XIRP2: variants seen among roughly 807,000 people sequenced by gnomAD.
XIRP2 encodes xin actin-binding repeat-containing protein 2.
XIRP2 carries 236 observed loss-of-function variants against 277.0 expected under a neutral mutation model. The ratio of observed to expected loss-of-function variants is 0.85; its 90% CI spans 0.77 to 0.95. The LOEUF (loss-of-function observed/expected upper bound fraction) is 0.95. Ranked by LOEUF, XIRP2 falls within the 40% of genes least tolerant of loss-of-function variation. The probability of loss-of-function intolerance (pLI) is 0.00; values close to 1 mark genes in which losing one functional copy is unlikely to be tolerated. For synonymous variants in XIRP2, 1,490 were observed against 1,416.5 expected (o/e 1.05, Z -1.17); for missense variants, 4,640 against 4,157.5 (o/e 1.12, Z -3.19).
chr2:166,913,890 A>G (rs375343395), intron 2 of XIRP2, among the ~76,000 whole-genome samples: 12 of 152,324 alleles, frequency 7.9e-5, no homozygotes, highest in South Asian at 2.1e-4. Context: ...GAAACTCATG[A>G]CTTATTCTTC....
intron 2 of XIRP2, among the ~76,000 whole-genome samples, chr2:167,095,535 C>G (rs918956584): frequency 6.6e-6 from 1 of 151,928 alleles, no homozygotes; most frequent in African/African-American, 2.4e-5. Flanking sequence ...GGGTGTTGAA[C>G]TGTTTTGAAA....
At chr2:167,085,022 T>G (rs1392556784) in intron 2 of XIRP2, among the ~76,000 whole-genome samples, 2 of 99,116 alleles carry the variant, frequency 2.0e-5, no homozygotes, top group African/African-American at 5.5e-5. Flanking sequence ...CTAGTTCTTT[T>G]AATTGTGATG....
intron 8 of XIRP2, among the ~76,000 whole-genome samples, chr2:167,242,232 C>T (rs1337737280): frequency 1.3e-5 from 2 of 152,110 alleles, no homozygotes; most frequent in Admixed American, 1.3e-4. Context: ...TGAAACAACC[C>T]TCAAAAGTAC....
At chr2:167,187,443 T>C (rs1693190635) in intron 3 of XIRP2, 1 of 985,158 alleles carries the variant, frequency 1.0e-6, no homozygotes, top group African/African-American at 1.7e-5. Flanking sequence ...TGGCTGTACA[T>C]GAAACAAGGG....
At chr2:167,018,535 G>A (rs1687895583) in intron 2 of XIRP2, among the ~76,000 whole-genome samples, 1 of 152,024 alleles carries the variant, frequency 6.6e-6, no homozygotes, top group South Asian at 2.1e-4. Flanking sequence ...CTGGAGGGAA[G>A]ATTCTCAGCA....
rs757194345 is a variant in XIRP2, at chr2:167,243,299, CTG to C, written c.1909_1910del (p.Val637ArgfsTer8). 2.5e-6 allele frequency: 4 copies of C among 1,613,526 alleles called. No homozygotes were observed. The African/African-American group carries it at 5.3e-5, about 22-fold the overall frequency. On this transcript the variant is annotated frameshift_variant, in exon 9 of 11. Coordinates refer to ENST00000409195, the MANE Select transcript of XIRP2 (RefSeq NM_152381.6). LOFTEE classifies it high-confidence loss of function. ...ACACTTGGGGCTTATTCTTCTGACA[CTG>C]TAGAAAATGCAGAGAAAATTCCTGA...
chr2:166,956,521 TG>T (rs1322036241), intron 2 of XIRP2, among the ~76,000 whole-genome samples: 2 of 151,836 alleles, frequency 1.3e-5, no homozygotes, highest in African/African-American at 4.8e-5. Context: ...ATTCTTATAT[TG>T]GTTGTAGATT....
chr2:167,030,308 G>T (rs1051229822), intron 2 of XIRP2, among the ~76,000 whole-genome samples: 1 of 151,812 alleles, frequency 6.6e-6, no homozygotes, highest in Non-Finnish European at 1.5e-5. Context: ...GTGATGTTAG[G>T]GTATTGATTT....
chr2:167,007,620 A>G (rs1368488369), intron 2 of XIRP2, among the ~76,000 whole-genome samples: 2 of 151,388 alleles, frequency 1.3e-5, no homozygotes, highest in East Asian at 2.0e-4. Context: ...TATGTGGTAC[A>G]TGTCTTAAAC....
intron 5 of XIRP2, among the ~76,000 whole-genome samples, chr2:167,234,240 G>T (rs546179550): frequency 6.6e-6 from 1 of 151,302 alleles, no homozygotes; most frequent in Admixed American, 6.6e-5. Flanking sequence ...AAGCATAATC[G>T]TTTTGAGTCA....
chr2:167,035,336 T>C (rs1042687505), intron 2 of XIRP2, among the ~76,000 whole-genome samples: 1 of 152,126 alleles, frequency 6.6e-6, no homozygotes, highest in Admixed American at 6.6e-5. Context: ...TTGAATGCCT[T>C]TGTTGAAAAT....
intron 2 of XIRP2, among the ~76,000 whole-genome samples, chr2:166,984,325 C>T (rs577940469): frequency 6.6e-6 from 1 of 152,124 alleles, no homozygotes; most frequent in East Asian, 1.9e-4. Flanking sequence ...AAAATGTTTC[C>T]TTTGAAGAAG....
At chr2:167,066,347 C>T (rs1558967013) in intron 2 of XIRP2, among the ~76,000 whole-genome samples, 2 of 151,928 alleles carry the variant, frequency 1.3e-5, no homozygotes, top group African/African-American at 4.8e-5. Flanking sequence ...CTAAAGAAGA[C>T]TTTCAAATAG....
At chr2:167,152,472 G>C (rs73017969) in intron 3 of XIRP2, among the ~76,000 whole-genome samples, 15,027 of 152,010 alleles carry the variant, frequency 0.099, 792 homozygotes, top group South Asian at 0.15. Context: ...TATAAAGTCC[G>C]CTGTGACACA....
intron 2 of XIRP2, among the ~76,000 whole-genome samples, chr2:167,077,672 T>C (rs890583309): frequency 6.6e-6 from 1 of 152,152 alleles, no homozygotes; most frequent in Admixed American, 6.5e-5. Context: ...GAAAGTATGG[T>C]TCTACCATAC....
rs774988091 is a variant in XIRP2 at position 167,250,619 on chromosome 2, A to G, written c.9227A>G (p.Lys3076Arg). 5 of 1,613,278 alleles carry G rather than the reference A, an allele frequency of 3.1e-6. No individual in the cohort carries two copies. Among genetic ancestry groups the G allele is most frequent in the Admixed American group, 1.7e-5 (1 of 59,908 alleles). The change falls in exon 9 of 11, where the codon AAA (lysine) becomes AGA (arginine). Residue 3076 changes from lysine to arginine, a missense_variant. By Grantham distance (26) the Lys-to-Arg change is conservative. Coordinates refer to ENST00000409195, the MANE Select transcript of XIRP2 (RefSeq NM_152381.6). Reference sequence around the variant, plus strand: ...GAACAGAAAGAAAATAAAATTGCCAAAGAGAAAACAGTACAGCACCAAGTA... The same window carrying G: ...GAACAGAAAGAAAATAAAATTGCCAGAGAGAAAACAGTACAGCACCAAGTA... ...NSEQKENKIA[K>R]EKTVQHQVAA...
intron 3 of XIRP2, among the ~76,000 whole-genome samples, chr2:167,192,467 A>G (rs879423879): frequency 1.3e-4 from 20 of 152,322 alleles, no homozygotes; most frequent in Non-Finnish European, 2.4e-4. Context: ...AAACAACAAT[A>G]GAACTGAGTG....
chr2:167,158,742 T>A (rs557147090), intron 3 of XIRP2, among the ~76,000 whole-genome samples: 8 of 152,340 alleles, frequency 5.3e-5, no homozygotes, highest in African/African-American at 1.9e-4. Flanking sequence ...ATATGACATT[T>A]AACCATGAAA....
intron 2 of XIRP2, among the ~76,000 whole-genome samples, chr2:166,975,930 C>CAAAAAAAAAAAAAAAAAAAAAAAAAA (rs550529718): frequency 2.2e-5 from 1 of 45,706 alleles, no homozygotes; most frequent in African/African-American, 7.8e-5. Context: ...GACTCCGTCT[C>CAAAAAAAAAAAAAAAAAAAAAAAAAA]AAAAAAAAAA....
Sources: allele counts gnomAD v4.1 joint callset (sites outside exome capture counted in the v4.1 genomes callset), GRCh38; gene constraint gnomAD v4.1.1; transcripts MANE v1.5; gene names NCBI Gene and HGNC (gene_info 2026-07-23, HGNC 2026-07-21).